Variants in RORB observed in about 807,000 individuals in gnomAD.
RORB encodes nuclear receptor ROR-beta.
A neutral mutation model predicts 59.1 loss-of-function variants in RORB; 6 were observed. The observed-to-expected ratio is 0.10, with a 90% CI of 0.06 to 0.20. RORB has a LOEUF of 0.20. RORB is among the 10% of genes least tolerant of loss of function. The pLI is 1.00. For synonymous variants in RORB, 215 were observed against 204.5 expected (o/e 1.05, Z -0.44); for missense variants, 320 against 560.5 (o/e 0.57, Z 4.33).
rs1824744934 is a variant in RORB at position 74,691,833 on chromosome 9, TTG to T, written c.*6217_*6218del. The T allele has an allele frequency of 6.6e-6, 1 of 152,214 alleles. No individual in the cohort carries two copies. The highest frequency in any genetic ancestry group is 2.4e-5 in the African/African-American group (1 of 41,462). 9.4% of individuals were successfully genotyped at this position (152,214 alleles called of 1,614,324 possible). ...ATTGGTGTTAAGTGTATGCTTCTTT[TTG>T]TAATATGACTGAGAAAGGGACAGGG... On this transcript the variant is annotated 3_prime_UTR_variant, in exon 10 of 10. Coordinates refer to ENST00000376896, the MANE Select transcript of RORB (RefSeq NM_006914.4).
At chr9:74,660,832 C>A in intron 5 of RORB, 94 bp downstream of exon 5, 1 of 1,330,748 alleles carries the variant, frequency 7.5e-7, no homozygotes, top group Non-Finnish European at 1.0e-6. Flanking sequence ...CTGGGCAATT[C>A]TTTTCTGTAA....
At chr9:74,579,097 T>C (rs1406948996) in intron 1 of RORB, among the ~76,000 whole-genome samples, 1 of 152,190 alleles carries the variant, frequency 6.6e-6, no homozygotes, top group Non-Finnish European at 1.5e-5. Flanking sequence ...TTTGAGATTT[T>C]CTAATGTTTA....
intron 3 of RORB, among the ~76,000 whole-genome samples, chr9:74,640,030 T>G (rs1181468514): frequency 6.6e-6 from 1 of 152,178 alleles, no homozygotes; most frequent in African/African-American, 2.4e-5. Context: ...ATAAAGGTAG[T>G]GTCTCTACAA....
intron 3 of RORB, among the ~76,000 whole-genome samples, chr9:74,637,331 G>T (rs993505967): frequency 6.6e-6 from 1 of 152,124 alleles, no homozygotes; most frequent in Non-Finnish European, 1.5e-5. Flanking sequence ...GAAAACACTG[G>T]ATTTTCATTC....
intron 1 of RORB, among the ~76,000 whole-genome samples, chr9:74,557,334 G>A (rs1190693467): frequency 2.6e-5 from 4 of 152,128 alleles, no homozygotes; most frequent in Non-Finnish European, 5.9e-5. Context: ...GAGGAGGCAG[G>A]TAACCCCAGT....
chr9:74,654,848 A>G (rs546613201), intron 4 of RORB, among the ~76,000 whole-genome samples: 2 of 152,320 alleles, frequency 1.3e-5, no homozygotes, highest in South Asian at 2.1e-4. Flanking sequence ...TTGGGGGGAA[A>G]AAGTTTTATG....
At chr9:74,531,545 G>A (rs1032970076) in intron 1 of RORB, among the ~76,000 whole-genome samples, 1 of 151,864 alleles carries the variant, frequency 6.6e-6, no homozygotes, top group Non-Finnish European at 1.5e-5. Flanking sequence ...GTTCTATTAC[G>A]AGATCCGTTT....
chr9:74,670,610 C>G (rs548522054), intron 8 of RORB, among the ~76,000 whole-genome samples: 1 of 152,326 alleles, frequency 6.6e-6, no homozygotes, highest in South Asian at 2.1e-4. Context: ...CTCACACTGA[C>G]AGGCTTCACA....
At chr9:74,580,649 A>G (rs1327329759) in intron 1 of RORB, among the ~76,000 whole-genome samples, 2 of 152,136 alleles carry the variant, frequency 1.3e-5, no homozygotes, top group South Asian at 2.1e-4. Context: ...CCATCAAAAT[A>G]TGTTCATCAG....
chr9:74,499,452 GAGA>G (rs949548172), intron 1 of RORB, among the ~76,000 whole-genome samples: 3 of 152,174 alleles, frequency 2.0e-5, no homozygotes, highest in African/African-American at 4.8e-5. Flanking sequence ...GAAAGGGAAG[GAGA>G]AGAAGGAACG....
At chr9:74,666,426 A>C (rs1824266209) in intron 7 of RORB, among the ~76,000 whole-genome samples, 1 of 151,986 alleles carries the variant, frequency 6.6e-6, no homozygotes, top group Admixed American at 6.6e-5. Flanking sequence ...ACACCACTGC[A>C]CTACAGCCTG....
intron 1 of RORB, among the ~76,000 whole-genome samples, chr9:74,546,156 T>C (rs1425091938): frequency 6.6e-6 from 1 of 152,148 alleles, no homozygotes; most frequent in African/African-American, 2.4e-5. Context: ...GATTTCAAAC[T>C]GCCATGATGG....
chr9:74,498,813 T>G (rs1377891751), intron 1 of RORB: 1 of 162,538 alleles, frequency 6.2e-6, no homozygotes, highest in African/African-American at 2.4e-5. Context: ...ACCCTCGCAG[T>G]CGCAGGCGGT....
chr9:74,672,141 A>G lies in RORB; in HGVS notation c.1224+240A>G, dbSNP rs183357732. Among the ~76,000 whole-genome samples, 581 of 152,282 alleles carry G rather than the reference A, an allele frequency of 3.8e-3. 3 individuals carry two copies. The highest frequency in any genetic ancestry group is 5.1e-3 in the Admixed American group (78 of 15,286). ...CTGAATCCAAGCTTCAGGAGGACAA[A>G]TCAATGAAACCAAGGGTGTTTCATC... On this transcript the variant is annotated intron_variant, in intron 9 of 9. Transcript: ENST00000376896.
At chr9:74,510,425 C>T (rs12337769) in intron 1 of RORB, among the ~76,000 whole-genome samples, 2,636 of 152,246 alleles carry the variant, frequency 0.017, 79 homozygotes, top group African/African-American at 0.06. Flanking sequence ...GTCTGTTCTG[C>T]AGCTGCTCTT....
intron 1 of RORB, among the ~76,000 whole-genome samples, chr9:74,554,255 TC>T (rs1269539541): frequency 6.6e-6 from 1 of 152,170 alleles, no homozygotes; most frequent in African/African-American, 2.4e-5. Context: ...AATCTGGGCC[TC>T]CTGACTCCTA....
intron 1 of RORB, among the ~76,000 whole-genome samples, chr9:74,533,642 T>C (rs376667564): frequency 3.9e-5 from 6 of 152,180 alleles, no homozygotes; most frequent in African/African-American, 1.2e-4. Context: ...CTTATTTAAA[T>C]TGATTGCAGG....
intron 8 of RORB, among the ~76,000 whole-genome samples, 179 bp downstream of exon 8, chr9:74,668,080 G>A (rs1418368395): frequency 6.6e-6 from 1 of 152,168 alleles, no homozygotes; most frequent in Admixed American, 6.5e-5. Context: ...TTATTAAAAT[G>A]ACCAATTTTG....
At chr9:74,536,004 A>G (rs1020521171) in intron 1 of RORB, among the ~76,000 whole-genome samples, 5 of 152,030 alleles carry the variant, frequency 3.3e-5, no homozygotes, top group Admixed American at 1.3e-4. Context: ...AGATATTCCC[A>G]AATGGAAACA....
Sources: gnomAD v4.1 joint callset for allele counts (sites outside exome capture counted in the v4.1 genomes callset) on GRCh38, gnomAD v4.1.1 for gene constraint, MANE v1.5 for transcripts, NCBI Gene and HGNC (gene_info 2026-07-23, HGNC 2026-07-21) for gene names.